Variants in PCDH11X observed in about 807,000 individuals in gnomAD.
PCDH11X encodes the protein protocadherin-11 X-linked.
A neutral mutation model predicts 53.3 loss-of-function variants in PCDH11X; 18 were observed. The observed-to-expected ratio is 0.34, with a 90% confidence interval of 0.23 to 0.50. The LOEUF is 0.50. Ranked by LOEUF, PCDH11X falls within the 20% of genes least tolerant of loss-of-function variation. The pLI, the probability that PCDH11X is intolerant of heterozygous loss-of-function variation, is 0.98. For missense variants in PCDH11X, 570 were observed against 1,032.4 expected, an observed-to-expected ratio of 0.55 and a Z score of 6.14; for synonymous variants, 279 against 393.3, an observed-to-expected ratio of 0.71 and a Z score of 3.44.
chrX:92,327,571 A>G (rs1347798214), intron 8 of PCDH11X, among the ~76,000 whole-genome samples: 1 of 98,365 alleles, frequency 1.0e-5, no homozygotes, highest in Non-Finnish European at 2.0e-5. Context: ...AAAAGAAACA[A>G]TTGATTTCAC....
At chrX:92,018,208 G>T (rs2062828248) in intron 6 of PCDH11X, among the ~76,000 whole-genome samples, 1 of 111,358 alleles carries the variant, frequency 9.0e-6, no homozygotes, top group Admixed American at 9.6e-5. Flanking sequence ...AATCACAAAT[G>T]ATACTAGAGT....
At chrX:92,134,076 T>G (rs769825170) in intron 6 of PCDH11X, among the ~76,000 whole-genome samples, 5 of 111,729 alleles carry the variant, frequency 4.5e-5, no homozygotes, top group Non-Finnish European at 7.5e-5. Flanking sequence ...TTTGAGTTTC[T>G]GATTAGCATT....
chrX:92,345,181 A>G (rs1603280479), intron 8 of PCDH11X, among the ~76,000 whole-genome samples: 1 of 111,101 alleles, frequency 9.0e-6, no homozygotes, highest in African/African-American at 3.2e-5. Context: ...ACAATAATAT[A>G]GCCTTAGTGA....
chrX:92,599,047 T>C (rs1925946919), intron 10 of PCDH11X, among the ~76,000 whole-genome samples: 1 of 110,967 alleles, frequency 9.0e-6, no homozygotes, highest in Non-Finnish European at 1.9e-5. Flanking sequence ...GGAAGCATAG[T>C]AGAGAAAGTG....
chrX:91,849,699 T>C (rs1937898026), intron 5 of PCDH11X, among the ~76,000 whole-genome samples: 1 of 110,383 alleles, frequency 9.1e-6, no homozygotes, highest in Non-Finnish European at 1.9e-5. Context: ...TATTGTGATT[T>C]TATTAGTGTT....
intron 6 of PCDH11X, among the ~76,000 whole-genome samples, chrX:92,160,127 G>C (rs1164267369): frequency 9.2e-6 from 1 of 108,707 alleles, no homozygotes; most frequent in Non-Finnish European, 1.9e-5. Context: ...TCTGTAGCTG[G>C]CTGTCTCTAC....
intron 8 of PCDH11X, among the ~76,000 whole-genome samples, chrX:92,316,213 T>G (rs1197034467): frequency 9.3e-6 from 1 of 108,066 alleles, no homozygotes; most frequent in East Asian, 2.9e-4. Context: ...AAATAAATTA[T>G]ACATTATAAA....
At chrX:92,221,760 CT>C (rs1223678942) in intron 7 of PCDH11X, among the ~76,000 whole-genome samples, 1 of 111,429 alleles carries the variant, frequency 9.0e-6, no homozygotes, top group African/African-American at 3.3e-5. Context: ...TTCACAATCT[CT>C]TTTATGGGTC....
chrX:92,508,213 G>GT (rs201788107), intron 10 of PCDH11X, among the ~76,000 whole-genome samples: 6,493 of 64,180 alleles, frequency 0.1, 162 homozygotes, highest in South Asian at 0.16. Flanking sequence ...ACTCTACTTT[G>GT]TTTTTTTTTG....
chrX:92,102,278 G>A (rs6618853), intron 6 of PCDH11X, among the ~76,000 whole-genome samples: 38,720 of 105,996 alleles, frequency 0.37, 7,557 homozygotes, highest in East Asian at 0.84. Context: ...TGAGTTGAGC[G>A]TAGTTTGTGA....
intron 4 of PCDH11X, among the ~76,000 whole-genome samples, chrX:91,814,147 T>C (rs919969880): frequency 2.5e-4 from 28 of 109,883 alleles, no homozygotes; most frequent in Non-Finnish European, 5.2e-4. Flanking sequence ...ATTGCACGTA[T>C]CCAATTAAAA....
intron 6 of PCDH11X, among the ~76,000 whole-genome samples, chrX:92,041,884 G>A (rs1352886967): frequency 4.5e-5 from 5 of 111,715 alleles, no homozygotes; most frequent in Admixed American, 9.5e-5. Context: ...CAGGAGAATC[G>A]CTTGAACCCA....
intron 6 of PCDH11X, among the ~76,000 whole-genome samples, chrX:91,957,026 T>A (rs969273507): frequency 1.8e-5 from 2 of 108,727 alleles, no homozygotes; most frequent in African/African-American, 6.8e-5. Context: ...TCTGAGATTC[T>A]ATGCTCTGCT....
At chrX:92,274,264 T>C (rs146681905) in intron 8 of PCDH11X, among the ~76,000 whole-genome samples, 2,934 of 106,976 alleles carry the variant, frequency 0.027, 198 homozygotes, top group East Asian at 0.14. Context: ...CTGAGCTTGG[T>C]GAGGTGCGTT....
intron 5 of PCDH11X, among the ~76,000 whole-genome samples, chrX:91,854,726 T>G (rs866629729): frequency 2.2e-4 from 25 of 112,410 alleles, no homozygotes; most frequent in South Asian, 2.2e-3. Flanking sequence ...AGTTTTGATT[T>G]GCATTTCTCT....
intron 5 of PCDH11X, among the ~76,000 whole-genome samples, chrX:91,839,529 G>A (rs1937435978): frequency 9.3e-6 from 1 of 108,000 alleles, no homozygotes. Context: ...ACTTGAATTC[G>A]GGAGGCAGAG....
chrX:92,032,766 G>T (rs1246973897), intron 6 of PCDH11X, among the ~76,000 whole-genome samples: 2 of 106,349 alleles, frequency 1.9e-5, no homozygotes, highest in Non-Finnish European at 1.9e-5. Context: ...TCATTCTGTT[G>T]CTATGATGTA....
intron 6 of PCDH11X, among the ~76,000 whole-genome samples, chrX:91,942,843 T>C (rs1407929616): frequency 9.0e-6 from 1 of 110,957 alleles, no homozygotes; most frequent in Non-Finnish European, 1.9e-5. Flanking sequence ...AAATCCAACA[T>C]GATATACATC....
intron 8 of PCDH11X, among the ~76,000 whole-genome samples, chrX:92,317,510 T>G (rs1386405845): frequency 3.6e-5 from 4 of 111,648 alleles, no homozygotes; most frequent in African/African-American, 1.3e-4. Context: ...GTCATAAACT[T>G]GACAACAATT....
Sources: gnomAD v4.1 joint callset for allele counts (sites outside exome capture counted in the v4.1 genomes callset) on GRCh38, gnomAD v4.1.1 for gene constraint, MANE v1.5 for transcripts, NCBI Gene and HGNC (gene_info 2026-07-23, HGNC 2026-07-21) for gene names.